ASB15: variants seen among roughly 807,000 people sequenced by gnomAD.
ASB15 encodes ankyrin repeat and SOCS box protein 15.
In ASB15, 54 loss-of-function variants were observed where a neutral mutation model predicts 58.0. The ratio of observed to expected loss-of-function variants is 0.93; its 90% CI spans 0.75 to 1.17. ASB15 has a LOEUF of 1.17. ASB15 is among the 50% of genes most tolerant of loss of function. The probability of loss-of-function intolerance (pLI) is 0.00; values close to 1 mark genes in which losing one functional copy is unlikely to be tolerated. For missense variants in ASB15, 680 were observed against 707.4 expected (o/e 0.96, Z 0.44); for synonymous variants, 249 against 262.4 (o/e 0.95, Z 0.50).
intron 2 of ASB15, among the ~76,000 whole-genome samples, chr7:123,605,626 A>G (rs1800110413): frequency 6.6e-6 from 1 of 152,200 alleles, no homozygotes; most frequent in Admixed American, 6.6e-5. Context: ...GGATAAAGAT[A>G]ATGTTGTACG....
rs140416543 is a variant in ASB15, at chr7:123,627,117, T to C, written c.705T>C (p.Asp235=). 157 of 1,612,904 alleles carry C rather than the reference T, an allele frequency of 9.7e-5. No homozygotes were observed. The African/African-American group carries it at 1.7e-3, about 17-fold the overall frequency. The part of the protein sequence containing the change: ...VLEHLIHKGG[D]VLALADDGAS... Reference sequence around the variant, plus strand: ...CACGTTTTATACTGCCAGGTGGTGATGTGCTTGCTTTGGCGGATGATGGGG... The same window carrying C: ...CACGTTTTATACTGCCAGGTGGTGACGTGCTTGCTTTGGCGGATGATGGGG... Residue 235 remains aspartate, a synonymous_variant, in exon 9 of 12, where the codon GAT becomes GAC. Transcript: ENST00000451215.
At chr7:123,574,617 A>G (rs937819751) in intron 1 of ASB15, among the ~76,000 whole-genome samples, 5 of 152,162 alleles carry the variant, frequency 3.3e-5, no homozygotes, top group African/African-American at 1.2e-4. Context: ...GTAGCATCAT[A>G]TCTACATTCC....
chr7:123,636,395 G>C (rs1283754873), intron 11 of ASB15, among the ~76,000 whole-genome samples: 1 of 152,122 alleles, frequency 6.6e-6, no homozygotes, highest in Non-Finnish European at 1.5e-5. Context: ...CATCTGTGTC[G>C]ATGTTTCATG....
intron 1 of ASB15, among the ~76,000 whole-genome samples, chr7:123,596,043 T>A (rs1799681998): frequency 6.6e-6 from 1 of 152,216 alleles, no homozygotes; most frequent in Admixed American, 6.5e-5. Context: ...GTAAATACTT[T>A]GGGAATATTC....
chr7:123,607,571 C>T (rs574177035), intron 2 of ASB15, among the ~76,000 whole-genome samples: 2 of 152,148 alleles, frequency 1.3e-5, no homozygotes, highest in South Asian at 2.1e-4. Flanking sequence ...ACTGCAGCCT[C>T]GACCTTCTAG....
chr7:123,584,406 G>C (rs543462546), intron 1 of ASB15, among the ~76,000 whole-genome samples: 1 of 151,840 alleles, frequency 6.6e-6, no homozygotes, highest in East Asian at 1.9e-4. Flanking sequence ...CTAGGCATCA[G>C]TGTTTTCTAA....
chr7:123,632,971 T>C (rs1459728553), intron 11 of ASB15, among the ~76,000 whole-genome samples: 8 of 152,198 alleles, frequency 5.3e-5, no homozygotes. Context: ...AAGACTCTCC[T>C]TGGAAGGAAA....
intron 1 of ASB15, among the ~76,000 whole-genome samples, chr7:123,579,387 T>G (rs1169111275): frequency 6.6e-6 from 1 of 152,132 alleles, no homozygotes. Flanking sequence ...TATTGTTAAA[T>G]TTGTTTTGCT....
chr7:123,577,340 G>A (rs576192538), intron 1 of ASB15, among the ~76,000 whole-genome samples: 22 of 152,254 alleles, frequency 1.4e-4, no homozygotes, highest in African/African-American at 4.8e-4. Context: ...ACTGTCACTT[G>A]TCTTGAACAA....
chr7:123,601,786 G>A (rs1158056682), upstream of ASB15: 2 of 152,106 alleles, frequency 1.3e-5, no homozygotes, highest in African/African-American at 4.8e-5. Context: ...ACAAGGTCAG[G>A]TCTTAATTTA....
upstream of ASB15, among the ~76,000 whole-genome samples, chr7:123,600,094 G>A (rs150633904): frequency 4.6e-5 from 7 of 152,034 alleles, no homozygotes; most frequent in African/African-American, 1.4e-4. Flanking sequence ...TGAGGAATAG[G>A]CCTCATTAAA....
At position 123,614,576 on chromosome 7, in the gene ASB15, T is replaced by C. The variant is rs1420463836; in HGVS notation, c.74T>C (p.Ile25Thr). The change falls in exon 4 of 12, where the codon ATT becomes ACT. Residue 25 changes from isoleucine (I) to threonine (T), a missense_variant. Physicochemically the swap from Ile to Thr is moderately conservative, Grantham distance 89 (BLOSUM62 -1). Transcript: ENST00000451215. ...ATTCAGCTAAGTATTCAAGAATCCA[T>C]TGAAGCCAGCAAGACTGCACTTTGT... is the stretch of plus-strand genomic sequence containing the variant. The part of the protein sequence containing the change: ...YDIQLSIQES[I>T]EASKTALCPE... 11 of 1,611,052 alleles carry C rather than the reference T, an allele frequency of 6.8e-6. No individual in the cohort carries two copies. Among genetic ancestry groups the C allele is most frequent in the African/African-American group, 6.7e-5 (5 of 74,854 alleles).
upstream of ASB15, among the ~76,000 whole-genome samples, chr7:123,597,105 G>T (rs192244666): frequency 6.6e-6 from 1 of 152,124 alleles, no homozygotes; most frequent in Non-Finnish European, 1.5e-5. Context: ...AATATTAAAC[G>T]AAAAATCCTA....
intron 1 of ASB15, among the ~76,000 whole-genome samples, chr7:123,575,252 A>G (rs772174821): frequency 9.2e-5 from 14 of 151,980 alleles, no homozygotes; most frequent in Non-Finnish European, 1.9e-4. Flanking sequence ...CTAGGAAAAA[A>G]CAATGAAACT....
intron 7 of ASB15, among the ~76,000 whole-genome samples, chr7:123,619,685 A>G (rs762814217): frequency 1.2e-4 from 18 of 151,998 alleles, no homozygotes; most frequent in African/African-American, 1.7e-4. Flanking sequence ...CACCACGCCC[A>G]GCTAATGTTT....
chr7:123,614,470 A>T (rs1333125748), intron 3 of ASB15, 31 bp from the exon 4 acceptor site: 1 of 1,374,588 alleles, frequency 7.3e-7, no homozygotes, highest in Admixed American at 1.8e-5. Flanking sequence ...TCTTGATAAT[A>T]AGAACTTGTC....
At chr7:123,617,844 C>T in intron 7 of ASB15, 107 bp downstream of exon 7, 2 of 1,125,198 alleles carry the variant, frequency 1.8e-6, no homozygotes, top group Non-Finnish European at 2.5e-6. Context: ...TCCTTCCATT[C>T]CCTGAGCTAC....
At chr7:123,613,580 G>A (rs143583404) in intron 3 of ASB15, among the ~76,000 whole-genome samples, 52 of 152,254 alleles carry the variant, frequency 3.4e-4, no homozygotes, top group Non-Finnish European at 7.1e-4. Flanking sequence ...AGGGAGGTGG[G>A]CCAGTCAAGA....
intron 11 of ASB15, among the ~76,000 whole-genome samples, chr7:123,634,441 C>T (rs1802307024): frequency 6.6e-6 from 1 of 152,128 alleles, no homozygotes; most frequent in Non-Finnish European, 1.5e-5. Context: ...TTTCTTTATC[C>T]AGTCTATCCT....
Sources: allele counts gnomAD v4.1 joint callset (sites outside exome capture counted in the v4.1 genomes callset), GRCh38; gene constraint gnomAD v4.1.1; transcripts MANE v1.5; gene names NCBI Gene and HGNC (gene_info 2026-07-23, HGNC 2026-07-21).